MYH16: variants seen among roughly 807,000 people sequenced by gnomAD.
The protein encoded by MYH16 is myosin heavy chain 16.
At chr7:99,286,517 C>A (rs1792280201) in exon 28 of MYH16, 1 of 152,580 alleles carries the variant, frequency 6.6e-6, no homozygotes, top group South Asian at 2.1e-4. Context: ...GGAGCCACAT[C>A]TGCTCAGGCA....
intron 33 of MYH16, among the ~76,000 whole-genome samples, chr7:99,296,329 G>A (rs1562786228): frequency 6.6e-6 from 1 of 152,124 alleles, no homozygotes; most frequent in Non-Finnish European, 1.5e-5. Context: ...TTGAGTTGAT[G>A]TGTAGTGTAT....
chr7:99,293,303 A>G (rs1192874675), intron 32 of MYH16, among the ~76,000 whole-genome samples: 1 of 152,190 alleles, frequency 6.6e-6, no homozygotes, highest in East Asian at 1.9e-4. Context: ...GGCTGGTCCC[A>G]TCCATCCACT....
intron 11 of MYH16, chr7:99,260,050 C>A: frequency 2.5e-6 from 2 of 796,988 alleles, no homozygotes; most frequent in South Asian, 1.6e-5. Context: ...CAGTGCCTGA[C>A]ACTAGTGGGC....
chr7:99,279,145 T>C (rs185444168), intron 21 of MYH16, among the ~76,000 whole-genome samples: 105 of 152,110 alleles, frequency 6.9e-4, no homozygotes, highest in African/African-American at 2.4e-3. Flanking sequence ...GAGCCATGAT[T>C]GTGCCACTGC....
chr7:99,249,572 G>GTTT (rs1195632373), intron 4 of MYH16, among the ~76,000 whole-genome samples: 102 of 116,734 alleles, frequency 8.7e-4, no homozygotes, highest in African/African-American at 2.0e-3. Flanking sequence ...GAAAAGTGCT[G>GTTT]TTTTTTTTTT....
At chr7:99,254,840 A>C (rs1211498746) in intron 8 of MYH16, among the ~76,000 whole-genome samples, 3 of 152,214 alleles carry the variant, frequency 2.0e-5, no homozygotes, top group Non-Finnish European at 1.5e-5. Context: ...CTTCACATAA[A>C]AATGCAATTT....
chr7:99,300,378 A>G (rs1792573794), intron 37 of MYH16, among the ~76,000 whole-genome samples: 1 of 152,210 alleles, frequency 6.6e-6, no homozygotes, highest in African/African-American at 2.4e-5. Context: ...ACACAAACAG[A>G]GCTGAAGACC....
At chr7:99,285,082 T>C (rs530148595) in intron 26 of MYH16, 147 bp downstream of exon 8, 1 of 400,882 alleles carries the variant, frequency 2.5e-6, no homozygotes, top group Admixed American at 2.7e-5. Flanking sequence ...TTCCCCTCAC[T>C]AGGGGTGAAA....
At chr7:99,257,894 A>G (rs1410105230) in intron 10 of MYH16, among the ~76,000 whole-genome samples, 3 of 151,940 alleles carry the variant, frequency 2.0e-5, no homozygotes, top group African/African-American at 7.3e-5. Flanking sequence ...TGATCCTCCT[A>G]CCTTAACCTC....
At chr7:99,255,889 A>T (rs1160921737) in intron 9 of MYH16, among the ~76,000 whole-genome samples, 1 of 152,164 alleles carries the variant, frequency 6.6e-6, no homozygotes, top group African/African-American at 2.4e-5. Context: ...CTCTTTGCAG[A>T]GTCGAACTAG....
At chr7:99,292,259 C>A (rs1584355912) in intron 31 of MYH16, 53 bp from the exon 13 acceptor site, 1 of 436,864 alleles carries the variant, frequency 2.3e-6, no homozygotes, top group Non-Finnish European at 4.7e-6. Flanking sequence ...TAAGTGGTGG[C>A]CCTGCGGGCT....
intron 8 of MYH16, among the ~76,000 whole-genome samples, chr7:99,255,174 T>A (rs1804279241): frequency 6.6e-6 from 1 of 151,916 alleles, no homozygotes; most frequent in South Asian, 2.1e-4. Flanking sequence ...GAGGCTGAGG[T>A]GCAAGAATCG....
At chr7:99,267,068 C>G (rs929673911) in intron 18 of MYH16, 1 of 152,498 alleles carries the variant, frequency 6.6e-6, no homozygotes, top group Admixed American at 6.5e-5. Flanking sequence ...GACCACTGAC[C>G]AATGGCCTAC....
chr7:99,304,965 C>T (rs577955394), intron 40 of MYH16, among the ~76,000 whole-genome samples: 92 of 152,114 alleles, frequency 6.0e-4, no homozygotes, highest in African/African-American at 1.1e-3. Flanking sequence ...GCGGGAGGAT[C>T]GCTTGAGGCC....
chr7:99,305,884 G>GAGAC (rs1792670905), exon 41 of MYH16: 3 of 152,870 alleles, frequency 2.0e-5, no homozygotes. Context: ...ACAGCACGTG[G>GAGAC]AGACAGTCAA....
chr7:99,263,896 G>A (rs1791963353), intron 14 of MYH16, among the ~76,000 whole-genome samples: 1 of 152,070 alleles, frequency 6.6e-6, no homozygotes, highest in Admixed American at 6.6e-5. Flanking sequence ...CAATTAGTGG[G>A]GCCAGAAACA....
At chr7:99,283,069 T>C (rs1792224319) in intron 23 of MYH16, among the ~76,000 whole-genome samples, 1 of 152,134 alleles carries the variant, frequency 6.6e-6, no homozygotes, top group African/African-American at 2.4e-5. Flanking sequence ...CCAATCACTG[T>C]GACAACCAGA....
chr7:99,296,652 C>G (rs1383518453), intron 33 of MYH16, 49 bp from the exon 15 acceptor site: 1 of 451,476 alleles, frequency 2.2e-6, no homozygotes, highest in African/African-American at 2.0e-5. Flanking sequence ...GAGTAGGGGA[C>G]AGAGGCAAGG....
intron 23 of MYH16, among the ~76,000 whole-genome samples, chr7:99,281,351 G>A (rs1175853818): frequency 6.6e-6 from 1 of 151,950 alleles, no homozygotes; most frequent in African/African-American, 2.4e-5. Flanking sequence ...CAGTTTAGGA[G>A]TTTGAGACCA....
Sources: allele counts gnomAD v4.1 joint callset (sites outside exome capture counted in the v4.1 genomes callset), GRCh38; gene constraint gnomAD v4.1.1; transcripts MANE v1.5; gene names NCBI Gene and HGNC (gene_info 2026-07-23, HGNC 2026-07-21).